LRP1B: variants seen among roughly 807,000 people sequenced by gnomAD.
LRP1B encodes low-density lipoprotein receptor-related protein 1B.
A neutral mutation model predicts 556.6 loss-of-function variants in LRP1B; 217 were observed. The ratio of observed to expected loss-of-function variants is 0.39; its 90% confidence interval spans 0.35 to 0.44. The LOEUF (loss-of-function observed/expected upper bound fraction) is 0.44. Ranked by LOEUF, LRP1B falls within the 20% of genes least tolerant of loss-of-function variation. The pLI is 1.00. For missense variants in LRP1B, 5,053 were observed against 5,620.8 expected (o/e 0.90, Z 3.23); for synonymous variants, 2,047 against 1,865.8 (o/e 1.10, Z -2.50).
chr2:141,448,709 G>A (rs1024677605), intron 3 of LRP1B, among the ~76,000 whole-genome samples: 6 of 152,170 alleles, frequency 3.9e-5, no homozygotes, highest in South Asian at 2.1e-4. Context: ...GCTTCGGCTC[G>A]CCCTCCACGG....
At chr2:141,267,109 T>A (rs1684918392) in intron 3 of LRP1B, among the ~76,000 whole-genome samples, 3 of 152,198 alleles carry the variant, frequency 2.0e-5, no homozygotes, top group Non-Finnish European at 4.4e-5. Flanking sequence ...ATAAACACCT[T>A]CTGTGGGTTG....
intron 2 of LRP1B, among the ~76,000 whole-genome samples, chr2:141,523,783 T>C (rs569144970): frequency 1.1e-4 from 17 of 152,122 alleles, no homozygotes; most frequent in Non-Finnish European, 2.4e-4. Context: ...CAGGCAAAAA[T>C]GAATTACATG....
intron 1 of LRP1B, among the ~76,000 whole-genome samples, chr2:141,862,502 C>A (rs1419212396): frequency 6.6e-6 from 1 of 152,168 alleles, no homozygotes; most frequent in African/African-American, 2.4e-5. Context: ...CTCCGCCTCC[C>A]AGTTCAAGCA....
At chr2:141,379,989 T>C (rs1468664105) in intron 3 of LRP1B, among the ~76,000 whole-genome samples, 2 of 152,148 alleles carry the variant, frequency 1.3e-5, no homozygotes, top group East Asian at 1.9e-4. Context: ...AGAAACTAAA[T>C]AAATAAAAAC....
chr2:140,437,922 T>TAACTTACATAACATGATAC (rs1558882481), intron 66 of LRP1B, among the ~76,000 whole-genome samples: 4 of 152,192 alleles, frequency 2.6e-5, no homozygotes, highest in Admixed American at 6.5e-5. Flanking sequence ...ATAGAATATA[T>TAACTTACATAACATGATAC]TTGTTATATA....
intron 17 of LRP1B, among the ~76,000 whole-genome samples, chr2:140,986,976 T>C (rs1334071324): frequency 6.6e-6 from 1 of 152,188 alleles, no homozygotes; most frequent in Admixed American, 6.5e-5. Context: ...TCTTTTTATC[T>C]AGCATATATG....
chr2:140,467,233 A>G (rs1311431034), intron 60 of LRP1B, among the ~76,000 whole-genome samples: 1 of 152,116 alleles, frequency 6.6e-6, no homozygotes, highest in Non-Finnish European at 1.5e-5. Context: ...ATATGCAACT[A>G]TCCCACTAAA....
chr2:141,169,319 TAAATAAATAAATAAATAAAG>T (rs1490323701), intron 7 of LRP1B, among the ~76,000 whole-genome samples: 156 of 148,840 alleles, frequency 1.0e-3, no homozygotes, highest in African/African-American at 3.8e-3. Flanking sequence ...AATAAATAAA[TAAATAAATAAATAAATAAAG>T]AAGAGATGGG....
At chr2:140,605,636 C>G (rs1682840299) in intron 41 of LRP1B, among the ~76,000 whole-genome samples, 1 of 150,198 alleles carries the variant, frequency 6.7e-6, no homozygotes, top group African/African-American at 2.5e-5. Flanking sequence ...TCTCTGCTTC[C>G]TTACTGCCTG....
chr2:142,076,187 C>T (rs1376074694), intron 1 of LRP1B, among the ~76,000 whole-genome samples: 5 of 152,078 alleles, frequency 3.3e-5, no homozygotes, highest in Non-Finnish European at 7.4e-5. Flanking sequence ...TCAGTTGATA[C>T]ATTAAAATAC....
intron 1 of LRP1B, among the ~76,000 whole-genome samples, chr2:142,034,201 A>T (rs1055458465): frequency 1.3e-5 from 2 of 151,770 alleles, no homozygotes; most frequent in African/African-American, 4.8e-5. Context: ...TCATTTTCAC[A>T]GTTATGCTTC....
chr2:142,000,972 T>A (rs114907078), intron 1 of LRP1B, among the ~76,000 whole-genome samples: 1 of 152,118 alleles, frequency 6.6e-6, no homozygotes. Context: ...AATAAGTGAA[T>A]CACAGGGGTG....
intron 3 of LRP1B, among the ~76,000 whole-genome samples, chr2:141,296,491 A>G (rs112104219): frequency 0.022 from 3,420 of 152,282 alleles, 69 homozygotes; most frequent in Non-Finnish European, 0.036. Context: ...ACTATTCTAT[A>G]ACTGCCTTCA....
chr2:142,102,769 T>C (rs1288715720), intron 1 of LRP1B, among the ~76,000 whole-genome samples: 1 of 151,764 alleles, frequency 6.6e-6, no homozygotes, highest in Non-Finnish European at 1.5e-5. Flanking sequence ...AAGTCAGGTA[T>C]AATGCAAAAA....
intron 41 of LRP1B, among the ~76,000 whole-genome samples, chr2:140,670,643 A>T (rs540771784): frequency 1.3e-5 from 2 of 151,784 alleles, no homozygotes; most frequent in East Asian, 3.9e-4. Flanking sequence ...GAACTGAGGA[A>T]CCAATGTTAT....
chr2:140,867,917 A>C, intron 26 of LRP1B, 83 bp from the exon 27 acceptor site: 1 of 1,397,454 alleles, frequency 7.2e-7, no homozygotes, highest in Non-Finnish European at 9.6e-7. Context: ...CAGCTAAATG[A>C]CAAAAAAGGT....
intron 2 of LRP1B, among the ~76,000 whole-genome samples, chr2:141,561,765 C>T (rs1401297873): frequency 6.6e-6 from 1 of 151,794 alleles, no homozygotes; most frequent in Non-Finnish European, 1.5e-5. Flanking sequence ...CCTCTTTCTA[C>T]TATACTCTAA....
At chr2:141,439,440 G>A (rs1326594055) in intron 3 of LRP1B, among the ~76,000 whole-genome samples, 2 of 151,148 alleles carry the variant, frequency 1.3e-5, no homozygotes, top group African/African-American at 4.8e-5. Flanking sequence ...TATAATTGAA[G>A]AAAATTAATA....
intron 2 of LRP1B, among the ~76,000 whole-genome samples, chr2:141,692,155 C>A (rs571156172): frequency 1.1e-4 from 17 of 152,048 alleles, no homozygotes; most frequent in Non-Finnish European, 1.6e-4. Context: ...ATTGATTTTT[C>A]TACAGAGTAA....
Sources: allele counts gnomAD v4.1 joint callset (sites outside exome capture counted in the v4.1 genomes callset), GRCh38; gene constraint gnomAD v4.1.1; transcripts MANE v1.5; gene names NCBI Gene and HGNC (gene_info 2026-07-23, HGNC 2026-07-21).